The following ZFPM2 variants were observed in gnomAD, a reference collection of about 807,000 sequenced individuals.
ZFPM2 encodes the protein zinc finger protein ZFPM2.
Under a neutral mutation model 98.6 loss-of-function variants are expected in ZFPM2, and 20 were observed. The observed-to-expected ratio is 0.20, with a 90% CI of 0.14 to 0.29. ZFPM2 has a LOEUF of 0.29. Among genes scored for constraint, ZFPM2 ranks in the 10% least tolerant of loss-of-function variants. The probability of loss-of-function intolerance (pLI) is 1.00; values close to 1 mark genes in which losing one functional copy is unlikely to be tolerated. For synonymous variants in ZFPM2, 518 were observed against 502.7 expected (o/e 1.03, Z -0.41); for missense variants, 1,310 against 1,388.6 (o/e 0.94, Z 0.90).
chr8:105,580,896 T>C lies in ZFPM2; in HGVS notation c.420+19415T>C, dbSNP rs569115247. On this transcript the variant is annotated intron_variant, in intron 4 of 7. Coordinates refer to ENST00000407775, the MANE Select transcript of ZFPM2 (RefSeq NM_012082.4). ...GATCACATTTACTAATTAATTCCCT[T>C]ATATTGTTTGCTTAACTTTAAATGT... Among the ~76,000 whole-genome samples the C allele has an allele frequency of 4.6e-5, 7 of 151,362 alleles. No homozygotes were observed. The East Asian group carries it at 1.4e-3, about 29-fold the overall frequency.
rs918714549 is a variant in ZFPM2 at position 105,801,121 on chromosome 8, G to A, written c.1039G>A (p.Val347Met). The change falls in exon 8 of 8, where the codon GTG becomes ATG. Residue 347 changes from valine (V) to methionine (M), a missense_variant. Coordinates refer to ENST00000407775, the MANE Select transcript of ZFPM2 (RefSeq NM_012082.4). ...CGTCTGTAGCTACACTGCTGATTCC[G>A]TGATCAACTTTCACCAACACCTGTT... ...CTVCSYTADS[V>M]INFHQHLFSH... is the part of the protein sequence containing the mutation. 26 of 1,613,756 alleles carry A rather than the reference G, an allele frequency of 1.6e-5. No individual in the cohort carries two copies. The highest frequency in any genetic ancestry group is 4.5e-5 in the East Asian group (2 of 44,874).
intron 5 of ZFPM2, among the ~76,000 whole-genome samples, chr8:105,740,268 A>G (rs993863262): frequency 5.9e-5 from 9 of 151,952 alleles, no homozygotes; most frequent in African/African-American, 1.9e-4. Context: ...TAAAACATAA[A>G]AGAAGAAGAG....
chr8:105,379,201 C>T (rs1035959385), intron 1 of ZFPM2, among the ~76,000 whole-genome samples: 7 of 151,840 alleles, frequency 4.6e-5, no homozygotes, highest in African/African-American at 1.7e-4. Context: ...ATTTAGTGGC[C>T]TAATTTAATT....
intron 5 of ZFPM2, among the ~76,000 whole-genome samples, chr8:105,682,242 C>T (rs527620871): frequency 1.7e-4 from 26 of 152,228 alleles, no homozygotes; most frequent in African/African-American, 5.8e-4. Context: ...GCACAAGTCA[C>T]AACGTAAGGA....
rs1474816814 is a variant in ZFPM2, at chr8:105,547,559, A to AG, written c.302-13804_302-13803insG. Among the ~76,000 whole-genome samples the AG allele has an allele frequency of 1.4e-4, 19 of 135,286 alleles. 1 individual carries two copies. The highest frequency in any genetic ancestry group is 1.4e-3 in the Admixed American group (19 of 13,858). 88.8% of individuals were successfully genotyped at this position (135,286 alleles called of 152,430 possible). A position where few individuals can be genotyped will look rare whatever the true frequency, so the allele number is the denominator to read the frequency against. ...CTCCATCTCAAAAAAAAAAAAAAAA[A>AG]AAAAAAAAAAGAAATCAGAGTGTGT... On this transcript the variant is annotated intron_variant, in intron 3 of 7. Transcript: ENST00000407775.
At chr8:105,747,310 C>T (rs1812371010) in intron 5 of ZFPM2, among the ~76,000 whole-genome samples, 1 of 151,958 alleles carries the variant, frequency 6.6e-6, no homozygotes, top group Admixed American at 6.6e-5. Flanking sequence ...TCAGTTAACT[C>T]GAAGGTTAAG....
chr8:105,483,360 C>T (rs1273481759), intron 3 of ZFPM2, among the ~76,000 whole-genome samples: 2 of 151,860 alleles, frequency 1.3e-5, no homozygotes, highest in African/African-American at 2.4e-5. Context: ...GAAGCTGAGG[C>T]GAGTGGATTG....
At chr8:105,546,975 T>TCACAG (rs1440457217) in intron 3 of ZFPM2, among the ~76,000 whole-genome samples, 6 of 152,178 alleles carry the variant, frequency 3.9e-5, no homozygotes, top group African/African-American at 1.4e-4. Flanking sequence ...AGTTTCCCTT[T>TCACAG]TTTTGGGGAG....
intron 1 of ZFPM2, among the ~76,000 whole-genome samples, chr8:105,371,464 GT>G (rs2129815864): frequency 6.6e-6 from 1 of 152,244 alleles, no homozygotes; most frequent in African/African-American, 2.4e-5. Flanking sequence ...TTTAGGAAGA[GT>G]TTGTAAACTT....
chr8:105,322,000 G>T (rs1366600800), intron 1 of ZFPM2, among the ~76,000 whole-genome samples: 2 of 151,984 alleles, frequency 1.3e-5, no homozygotes, highest in African/African-American at 4.8e-5. Context: ...CCAAAATTCA[G>T]ATTTTTTTTT....
intron 1 of ZFPM2, among the ~76,000 whole-genome samples, chr8:105,345,617 T>C (rs1586305507): frequency 6.6e-6 from 1 of 152,070 alleles, no homozygotes; most frequent in Admixed American, 6.6e-5. Context: ...ATAAATGTTA[T>C]GGAAAAGACT....
intron 2 of ZFPM2, among the ~76,000 whole-genome samples, chr8:105,429,220 AT>A (rs1181411880): frequency 6.6e-6 from 1 of 152,010 alleles, no homozygotes; most frequent in Admixed American, 6.5e-5. Flanking sequence ...GTAAACTGTA[AT>A]TTTTTTCAAT....
At chr8:105,430,177 T>A (rs1166291691) in intron 2 of ZFPM2, among the ~76,000 whole-genome samples, 2 of 152,148 alleles carry the variant, frequency 1.3e-5, no homozygotes, top group African/African-American at 4.8e-5. Context: ...CTTCAAAACT[T>A]CTCACTTGGA....
rs570314911 is a variant in ZFPM2 at position 105,394,115 on chromosome 8, T to G, written c.41-25029T>G. ...TCACCGTGTTAGCCAGGATGGTCTC[T>G]ATCTCCTGACCTAGTGATTCGCCCG... On this transcript the variant is annotated intron_variant, in intron 1 of 7. Coordinates refer to ENST00000407775, the MANE Select transcript of ZFPM2 (RefSeq NM_012082.4). 3.9e-4 allele frequency among the ~76,000 whole-genome samples: 59 copies of G among 152,146 alleles called. 1 individual carries two copies. Among genetic ancestry groups the G allele is most frequent in the East Asian group, 9.7e-4 (5 of 5,156 alleles).
chr8:105,398,771 T>C (rs1811275508), intron 1 of ZFPM2, among the ~76,000 whole-genome samples: 1 of 152,146 alleles, frequency 6.6e-6, no homozygotes, highest in Admixed American at 6.6e-5. Flanking sequence ...TATATATACA[T>C]ATTGGTACAT....
chr8:105,410,863 C>T (rs532623863), intron 1 of ZFPM2, among the ~76,000 whole-genome samples: 1 of 151,716 alleles, frequency 6.6e-6, no homozygotes, highest in Non-Finnish European at 1.5e-5. Flanking sequence ...AAAAATCTAA[C>T]GTCCTACATT....
rs80101833 is a variant in ZFPM2 at position 105,688,695 on chromosome 8, A to G, written c.532+54338A>G. Among the ~76,000 whole-genome samples, 966 of 152,234 alleles carry G rather than the reference A, an allele frequency of 6.3e-3. 2 individuals are homozygous for G. Among genetic ancestry groups the G allele is most frequent in the Non-Finnish European group, 0.01 (703 of 67,948 alleles). On this transcript the variant is annotated intron_variant, in intron 5 of 7. Coordinates refer to ENST00000407775, the MANE Select transcript of ZFPM2 (RefSeq NM_012082.4). ...ATTATATAGTCTTCTATACATTTAC[A>G]TACATATACACACAAATATTTTTCA... is the stretch of plus-strand genomic sequence containing the variant.
At chr8:105,535,345 G>A (rs1814427510) in intron 3 of ZFPM2, among the ~76,000 whole-genome samples, 1 of 152,176 alleles carries the variant, frequency 6.6e-6, no homozygotes, top group Non-Finnish European at 1.5e-5. Context: ...TTAGAAGCCA[G>A]TGTTTCCAAA....
intron 1 of ZFPM2, among the ~76,000 whole-genome samples, chr8:105,380,538 C>A (rs1373581650): frequency 7.6e-6 from 1 of 131,232 alleles, no homozygotes; most frequent in African/African-American, 2.8e-5. Context: ...CCGAACTCAG[C>A]CAAAGACATA....
Sources: gnomAD v4.1 joint callset for allele counts (sites outside exome capture counted in the v4.1 genomes callset) on GRCh38, gnomAD v4.1.1 for gene constraint, MANE v1.5 for transcripts, NCBI Gene and HGNC (gene_info 2026-07-23, HGNC 2026-07-21) for gene names.